Variants in CERS6 observed in about 807,000 individuals in gnomAD.
CERS6 encodes LAG1 homolog, ceramide synthase 6.
In CERS6, 26 loss-of-function variants were observed where a neutral mutation model predicts 56.8. That is an observed-to-expected ratio of 0.46 (90% CI 0.34 to 0.63). The LOEUF (loss-of-function observed/expected upper bound fraction) is 0.63, where lower values mean the gene tolerates loss of function less well. Ranked by LOEUF, CERS6 falls within the 30% of genes least tolerant of loss-of-function variation. CERS6 has a pLI of 0.01. For synonymous variants in CERS6, 164 were observed against 173.3 expected, an observed-to-expected ratio of 0.95 and a Z score of 0.42; for missense variants, 415 against 467.5, an observed-to-expected ratio of 0.89 and a Z score of 1.04.
intron 8 of CERS6, among the ~76,000 whole-genome samples, chr2:168,750,856 C>A (rs370562747): frequency 6.6e-6 from 1 of 152,154 alleles, no homozygotes; most frequent in African/African-American, 2.4e-5. Flanking sequence ...TATATTCCAA[C>A]CCCAGTTCCT....
At chr2:168,528,227 A>C (rs1164723504) in intron 1 of CERS6, among the ~76,000 whole-genome samples, 1 of 152,088 alleles carries the variant, frequency 6.6e-6, no homozygotes, top group African/African-American at 2.4e-5. Flanking sequence ...TGCCCTAAAA[A>C]TTATTTCATC....
At chr2:168,749,262 T>A (rs1161477293) in intron 8 of CERS6, among the ~76,000 whole-genome samples, 1 of 150,486 alleles carries the variant, frequency 6.6e-6, no homozygotes, top group Non-Finnish European at 1.5e-5. Context: ...TTGTTTAAGT[T>A]GACCCCTCTT....
chr2:168,554,161 GAAA>G (rs35998007), intron 2 of CERS6, among the ~76,000 whole-genome samples: 1 of 145,490 alleles, frequency 6.9e-6, no homozygotes, highest in Admixed American at 6.8e-5. Flanking sequence ...CTCCCAAAAG[GAAA>G]AAAAAAATGT....
In CERS6 at chr2:168,604,390, CGTGTGT is replaced by C. The variant is rs57929934; in HGVS notation, c.408-26580_408-26575del. Among the ~76,000 whole-genome samples, 425 of 150,692 alleles carry C rather than the reference CGTGTGT, an allele frequency of 2.8e-3. 4 individuals are homozygous for C. The highest frequency in any genetic ancestry group is 9.4e-3 in the African/African-American group (387 of 41,182). Reference sequence around the variant, plus strand: ...CAGATTGAAGTTGAGCAGTTGTATACGTGTGTGTGTGTGTGTGTGTAGGTCAGGGGT... The same window carrying C: ...CAGATTGAAGTTGAGCAGTTGTATACGTGTGTGTGTGTGTAGGTCAGGGGT... On this transcript the variant is annotated intron_variant, in intron 3 of 9. Coordinates refer to ENST00000305747, the MANE Select transcript of CERS6 (RefSeq NM_203463.3).
At chr2:168,620,625 A>G (rs1022698043) in intron 3 of CERS6, among the ~76,000 whole-genome samples, 1 of 152,196 alleles carries the variant, frequency 6.6e-6, no homozygotes, top group Admixed American at 6.5e-5. Context: ...ATATGGATTT[A>G]GTAATAAGTG....
At chr2:168,502,200 C>G (rs1694594969) in intron 1 of CERS6, among the ~76,000 whole-genome samples, 1 of 151,912 alleles carries the variant, frequency 6.6e-6, no homozygotes, top group East Asian at 1.9e-4. Context: ...AGATTAAAAT[C>G]TGTCTTTGCA....
intron 3 of CERS6, among the ~76,000 whole-genome samples, chr2:168,621,967 C>T (rs1012166784): frequency 6.6e-6 from 1 of 152,094 alleles, no homozygotes; most frequent in South Asian, 2.1e-4. Flanking sequence ...AAGGCAAAGA[C>T]GTAGTCATTT....
intron 8 of CERS6, among the ~76,000 whole-genome samples, chr2:168,729,372 G>A (rs1471416905): frequency 6.6e-6 from 1 of 152,222 alleles, no homozygotes; most frequent in Non-Finnish European, 1.5e-5. Flanking sequence ...TGCTTAGGCT[G>A]TTATACAGCA....
chr2:168,549,421 G>A (rs1265033917), intron 2 of CERS6, among the ~76,000 whole-genome samples: 2 of 152,170 alleles, frequency 1.3e-5, no homozygotes, highest in African/African-American at 4.8e-5. Flanking sequence ...CAGATCATGA[G>A]GTCAAGAGAT....
rs537284844 is a variant in CERS6 at position 168,730,745 on chromosome 2, A to G, written c.845+12767A>G. Among the ~76,000 whole-genome samples the G allele has an allele frequency of 2.0e-5, 3 of 152,290 alleles. No homozygotes were observed. The South Asian group carries it at 6.2e-4, about 32-fold the overall frequency. On this transcript the variant is annotated intron_variant, in intron 8 of 9. Transcript: ENST00000305747. Reference sequence around the variant, plus strand: ...GAAAGGACGGCATATAAACCCACTTATAATTTTCACAAACAGTTGTGTCTT... The same window carrying G: ...GAAAGGACGGCATATAAACCCACTTGTAATTTTCACAAACAGTTGTGTCTT...
intron 1 of CERS6, among the ~76,000 whole-genome samples, chr2:168,523,620 A>G (rs1356513656): frequency 1.3e-5 from 2 of 152,058 alleles, no homozygotes; most frequent in Admixed American, 1.3e-4. Context: ...GAAGGCCAAT[A>G]ACCAAATGAC....
chr2:168,481,882 G>A (rs1392048646), intron 1 of CERS6, among the ~76,000 whole-genome samples: 1 of 152,194 alleles, frequency 6.6e-6, no homozygotes, highest in Non-Finnish European at 1.5e-5. Context: ...TTTGATTTAG[G>A]AGTAGTTTTG....
intron 8 of CERS6, among the ~76,000 whole-genome samples, chr2:168,761,030 T>C (rs1684566926): frequency 6.6e-6 from 1 of 152,186 alleles, no homozygotes; most frequent in Non-Finnish European, 1.5e-5. Flanking sequence ...GTGCTGGGAT[T>C]ATAGGCGTGA....
intron 7 of CERS6, among the ~76,000 whole-genome samples, 158 bp from the exon 8 acceptor site, chr2:168,717,714 T>C (rs1357288621): frequency 1.3e-5 from 2 of 152,214 alleles, no homozygotes; most frequent in Non-Finnish European, 2.9e-5. Context: ...TACTGGTGCA[T>C]GATGTATGAC....
intron 4 of CERS6, among the ~76,000 whole-genome samples, chr2:168,648,563 A>G (rs1221132526): frequency 1.3e-5 from 2 of 151,944 alleles, no homozygotes; most frequent in African/African-American, 4.8e-5. Flanking sequence ...GTCTTCTGCT[A>G]GCTTTGGGGT....
chr2:168,587,376 A>G (rs1314537594), intron 3 of CERS6, among the ~76,000 whole-genome samples: 1 of 152,184 alleles, frequency 6.6e-6, no homozygotes, highest in African/African-American at 2.4e-5. Flanking sequence ...TAGTTACTGA[A>G]CAGGGTAGCA....
At chr2:168,584,740 T>C (rs16855537) in intron 3 of CERS6, among the ~76,000 whole-genome samples, 4,851 of 152,314 alleles carry the variant, frequency 0.032, 216 homozygotes, top group African/African-American at 0.099. Context: ...CAACTTGATA[T>C]GGAGAATTTG....
chr2:168,685,930 A>G (rs1317134778), intron 4 of CERS6, among the ~76,000 whole-genome samples: 2 of 151,552 alleles, frequency 1.3e-5, no homozygotes, highest in Non-Finnish European at 2.9e-5. Context: ...ATCCACTGTG[A>G]TATGGCCTGT....
At chr2:168,472,032 G>A (rs1693987018) in intron 1 of CERS6, among the ~76,000 whole-genome samples, 1 of 152,028 alleles carries the variant, frequency 6.6e-6, no homozygotes, top group Non-Finnish European at 1.5e-5. Context: ...ACAATGAAAG[G>A]GAGCATAGAT....
Sources: gnomAD v4.1 joint callset for allele counts (sites outside exome capture counted in the v4.1 genomes callset) on GRCh38, gnomAD v4.1.1 for gene constraint, MANE v1.5 for transcripts, NCBI Gene and HGNC (gene_info 2026-07-23, HGNC 2026-07-21) for gene names.